Variants in CNTN5 observed in about 807,000 individuals in gnomAD.
CNTN5 encodes contactin-5.
A neutral mutation model predicts 129.1 loss-of-function variants in CNTN5; 77 were observed. The observed-to-expected ratio is 0.60, with a 90% CI of 0.50 to 0.72. The LOEUF (loss-of-function observed/expected upper bound fraction) is 0.72, where lower values mean the gene tolerates loss of function less well. Ranked by LOEUF, CNTN5 falls within the 30% of genes least tolerant of loss-of-function variation. The pLI, the probability that CNTN5 is intolerant of heterozygous loss-of-function variation, is 0.00. For missense variants in CNTN5, 1,478 were observed against 1,328.8 expected (o/e 1.11, Z -1.75); for synonymous variants, 509 against 465.6 (o/e 1.09, Z -1.20).
chr11:99,182,716 G>T (rs367914888), intron 1 of CNTN5, among the ~76,000 whole-genome samples: 1 of 151,940 alleles, frequency 6.6e-6, no homozygotes, highest in South Asian at 2.1e-4. Context: ...AACGTACTCG[G>T]GCTCCTTTAT....
At chr11:100,047,858 G>A (rs1255114050) in intron 9 of CNTN5, among the ~76,000 whole-genome samples, 1 of 152,008 alleles carries the variant, frequency 6.6e-6, no homozygotes, top group Non-Finnish European at 1.5e-5. Flanking sequence ...AGAGGCCTGA[G>A]GCGGTGGTTC....
chr11:99,942,562 T>G (rs1057138849), intron 7 of CNTN5, among the ~76,000 whole-genome samples: 5 of 152,106 alleles, frequency 3.3e-5, no homozygotes, highest in African/African-American at 4.8e-5. Context: ...GTGCAGAATG[T>G]GCAGGTTTGT....
chr11:100,092,021 C>T (rs2138003539), intron 13 of CNTN5, among the ~76,000 whole-genome samples: 1 of 152,102 alleles, frequency 6.6e-6, no homozygotes, highest in South Asian at 2.1e-4. Context: ...CTCTGAATTT[C>T]TTTGAAAAAA....
intron 3 of CNTN5, among the ~76,000 whole-genome samples, chr11:99,572,166 G>A (rs1337532871): frequency 6.6e-6 from 1 of 152,108 alleles, no homozygotes; most frequent in East Asian, 1.9e-4. Context: ...ATGTAAAATA[G>A]GAATGTTCAA....
At chr11:100,108,766 CA>C (rs1392593885) in intron 13 of CNTN5, among the ~76,000 whole-genome samples, 2 of 151,154 alleles carry the variant, frequency 1.3e-5, no homozygotes, top group African/African-American at 4.9e-5. Context: ...ACAGAGATCG[CA>C]ACTACTCTAC....
chr11:99,122,051 GT>G lies in CNTN5; in HGVS notation c.-210+100782del, dbSNP rs1387159828. ...TACAACATGCAGGTTTGTTACACAT[GT>G]ATACATGTGCCATGTTGGTGTGCTG... is the stretch of plus-strand genomic sequence containing the variant. On this transcript the variant is annotated intron_variant, in intron 1 of 24. Transcript: ENST00000524871. 2.0e-5 allele frequency among the ~76,000 whole-genome samples: 3 copies of G among 151,948 alleles called. No homozygotes were observed. The East Asian group carries it at 5.8e-4, about 29-fold the overall frequency.
intron 1 of CNTN5, among the ~76,000 whole-genome samples, chr11:99,038,292 A>G (rs1022031655): frequency 3.9e-5 from 6 of 152,296 alleles, no homozygotes; most frequent in Middle Eastern, 3.4e-3. Context: ...CTTTTAATTG[A>G]CAAATAATAG....
In CNTN5 at chr11:99,645,747, A is replaced by G. The variant is rs574991217; in HGVS notation, c.55+89478A>G. On this transcript the variant is annotated intron_variant, in intron 3 of 24. Coordinates refer to ENST00000524871, the MANE Select transcript of CNTN5 (RefSeq NM_014361.4). Reference sequence around the variant, plus strand: ...CTCACTCATAAGTGGTAGTTGAACAATGAGAACACATCGCCACAGGGAGGG... The same window carrying G: ...CTCACTCATAAGTGGTAGTTGAACAGTGAGAACACATCGCCACAGGGAGGG... Among the ~76,000 whole-genome samples, 170 of 149,886 alleles carry G rather than the reference A, an allele frequency of 1.1e-3. 1 individual carries two copies. The highest frequency in any genetic ancestry group is 4.0e-3 in the African/African-American group (163 of 40,924).
chr11:99,229,567 G>A (rs1318099112), intron 1 of CNTN5, among the ~76,000 whole-genome samples: 10 of 145,314 alleles, frequency 6.9e-5, no homozygotes, highest in African/African-American at 2.5e-4. Flanking sequence ...GTCAATAAAA[G>A]GGAAAGAAAG....
At chr11:100,190,005 A>G (rs1948429109) in intron 13 of CNTN5, among the ~76,000 whole-genome samples, 1 of 152,094 alleles carries the variant, frequency 6.6e-6, no homozygotes, top group African/African-American at 2.4e-5. Flanking sequence ...TCTAATATCA[A>G]TTGTTACGAA....
intron 9 of CNTN5, among the ~76,000 whole-genome samples, chr11:100,040,136 G>C (rs1313494483): frequency 1.3e-5 from 2 of 151,842 alleles, no homozygotes; most frequent in Non-Finnish European, 2.9e-5. Flanking sequence ...GTGACGTACA[G>C]ATGGGTTTTT....
chr11:99,410,076 G>T (rs989393230), intron 2 of CNTN5, among the ~76,000 whole-genome samples: 14 of 152,106 alleles, frequency 9.2e-5, no homozygotes, highest in African/African-American at 3.4e-4. Flanking sequence ...CTTGTTGGAG[G>T]CTTAGTTTGC....
chr11:99,215,803 C>T (rs1860085618), intron 1 of CNTN5, among the ~76,000 whole-genome samples: 1 of 152,144 alleles, frequency 6.6e-6, no homozygotes, highest in Non-Finnish European at 1.5e-5. Context: ...ATGGAAATCA[C>T]TGGGAGATCT....
At chr11:99,784,844 G>T (rs1417696456) in intron 3 of CNTN5, among the ~76,000 whole-genome samples, 1 of 134,804 alleles carries the variant, frequency 7.4e-6, no homozygotes, top group Non-Finnish European at 1.5e-5. Flanking sequence ...TTGTTGCCCA[G>T]GTTGGAGTAC....
chr11:99,187,831 C>A (rs975248833), intron 1 of CNTN5, among the ~76,000 whole-genome samples: 2 of 151,578 alleles, frequency 1.3e-5, no homozygotes. Context: ...TTATGTAAAA[C>A]ATTATTAAAT....
chr11:100,050,954 G>A (rs1942922096), intron 9 of CNTN5, among the ~76,000 whole-genome samples: 1 of 152,112 alleles, frequency 6.6e-6, no homozygotes, highest in African/African-American at 2.4e-5. Flanking sequence ...AAAGTTGACA[G>A]TACTTAACAG....
chr11:100,118,998 A>T lies in CNTN5; in HGVS notation c.1580+44704A>T, dbSNP rs542209755. Among the ~76,000 whole-genome samples, 3 of 151,774 alleles carry T rather than the reference A, an allele frequency of 2.0e-5. No homozygotes were observed. The East Asian group carries it at 5.8e-4, about 29-fold the overall frequency. On this transcript the variant is annotated intron_variant, in intron 13 of 24. Transcript: ENST00000524871. Reference sequence around the variant, plus strand: ...GCCATGTACATTTTCTACATTAACCATGTCAAAGTGTGAACTTTTAGTCTC... The same window carrying T: ...GCCATGTACATTTTCTACATTAACCTTGTCAAAGTGTGAACTTTTAGTCTC...
intron 3 of CNTN5, among the ~76,000 whole-genome samples, chr11:99,691,000 T>A (rs1954018289): frequency 6.6e-6 from 1 of 152,064 alleles, no homozygotes; most frequent in Non-Finnish European, 1.5e-5. Context: ...GGTGTATGTA[T>A]CTAGTAATTT....
At chr11:99,632,121 T>TA (rs1166636352) in intron 3 of CNTN5, among the ~76,000 whole-genome samples, 2 of 152,034 alleles carry the variant, frequency 1.3e-5, no homozygotes, top group African/African-American at 4.8e-5. Flanking sequence ...TAAGTGGGGA[T>TA]ACTGTATCTG....
Sources: allele counts gnomAD v4.1 joint callset (sites outside exome capture counted in the v4.1 genomes callset), GRCh38; gene constraint gnomAD v4.1.1; transcripts MANE v1.5; gene names NCBI Gene and HGNC (gene_info 2026-07-23, HGNC 2026-07-21).